Variants in SENP7 observed in about 807,000 individuals in gnomAD.
The protein encoded by SENP7 is sentrin-specific protease 7.
A neutral mutation model predicts 141.2 loss-of-function variants in SENP7; 64 were observed. The observed-to-expected ratio is 0.45, with a 90% CI of 0.37 to 0.56. SENP7 has a LOEUF of 0.56. Among genes scored for constraint, SENP7 ranks in the 20% least tolerant of loss-of-function variants. The probability of loss-of-function intolerance (pLI) is 0.00; values close to 1 mark genes in which losing one functional copy is unlikely to be tolerated. For synonymous variants in SENP7, 382 were observed against 426.4 expected (o/e 0.90, Z 1.28); for missense variants, 1,025 against 1,212.2 (o/e 0.85, Z 2.29).
chr3:101,452,266 T>C (rs2063169828), intron 4 of SENP7, among the ~76,000 whole-genome samples: 1 of 151,884 alleles, frequency 6.6e-6, no homozygotes, highest in African/African-American at 2.4e-5. Context: ...GAAGAATCAA[T>C]ATCATGAAAA....
chr3:101,329,620 C>T lies in SENP7; in HGVS notation c.2751+714G>A, dbSNP rs554394749. 2.6e-5 allele frequency among the ~76,000 whole-genome samples: 4 copies of T among 151,862 alleles called. No individual in the cohort carries two copies. The East Asian group carries it at 7.7e-4, about 29-fold the overall frequency. On this transcript the variant is annotated intron_variant, in intron 20 of 23. Transcript: ENST00000394095. ...CTAAGGAGTTACATGGATTCACTTT[C>T]AGTCTACCTTGAATGATTTTTACCA...
intron 1 of SENP7, among the ~76,000 whole-genome samples, chr3:101,506,020 A>ATTTTTTTT (rs61021808): frequency 7.1e-6 from 1 of 141,200 alleles, no homozygotes; most frequent in Non-Finnish European, 1.5e-5. Context: ...TTATTCCATA[A>ATTTTTTTT]TTTTTTTTTT....
intron 4 of SENP7, among the ~76,000 whole-genome samples, chr3:101,456,141 T>C (rs186020322): frequency 1.1e-3 from 160 of 146,054 alleles, no homozygotes; most frequent in Middle Eastern, 3.6e-3. Context: ...TTAATACAGA[T>C]AATTAGTTAT....
intron 5 of SENP7, among the ~76,000 whole-genome samples, chr3:101,403,332 G>A (rs1188480164): frequency 6.6e-6 from 1 of 152,160 alleles, no homozygotes; most frequent in African/African-American, 2.4e-5. Flanking sequence ...AAGACACTAT[G>A]TTCATTTCAT....
chr3:101,351,795 T>C (rs1313863626), intron 11 of SENP7, 144 bp from the exon 12 acceptor site: 1 of 618,860 alleles, frequency 1.6e-6, no homozygotes, highest in Admixed American at 4.7e-5. Flanking sequence ...AATAAAATAT[T>C]TCACTACAAA....
chr3:101,457,810 C>G, intron 4 of SENP7: 1 of 591,604 alleles, frequency 1.7e-6, no homozygotes, highest in Non-Finnish European at 3.0e-6. Flanking sequence ...TGAGATTAGG[C>G]GCACACATGC....
At chr3:101,332,995 C>T in intron 17 of SENP7, 133 bp from the exon 18 acceptor site, 5 of 866,018 alleles carry the variant, frequency 5.8e-6, no homozygotes, top group Non-Finnish European at 8.4e-6. Context: ...TCATATTTAA[C>T]ACATTATAAA....
intron 5 of SENP7, among the ~76,000 whole-genome samples, chr3:101,404,874 ACG>A (rs2061252909): frequency 6.6e-6 from 1 of 152,212 alleles, no homozygotes; most frequent in African/African-American, 2.4e-5. Flanking sequence ...CCACAATGAG[ACG>A]CACAGTGAGA....
intron 5 of SENP7, among the ~76,000 whole-genome samples, chr3:101,404,956 T>C (rs997311866): frequency 6.6e-6 from 1 of 152,096 alleles, no homozygotes; most frequent in Non-Finnish European, 1.5e-5. Context: ...GGCACAGGCG[T>C]TCTCTCACAG....
intron 6 of SENP7, among the ~76,000 whole-genome samples, chr3:101,382,387 C>T (rs1014874487): frequency 6.6e-5 from 10 of 152,058 alleles, no homozygotes; most frequent in Non-Finnish European, 1.5e-5. Flanking sequence ...TCTTGCTATG[C>T]TTCCCAGGCT....
chr3:101,463,376 T>TATATATATATATATACAC (rs1559864929), intron 3 of SENP7, among the ~76,000 whole-genome samples: 3 of 85,274 alleles, frequency 3.5e-5, no homozygotes, highest in South Asian at 3.6e-4. Flanking sequence ...TATATATATA[T>TATATATATATATATACAC]ATATATATAT....
chr3:101,363,948 T>C (rs1208010367), intron 10 of SENP7, among the ~76,000 whole-genome samples: 1 of 152,198 alleles, frequency 6.6e-6, no homozygotes, highest in African/African-American at 2.4e-5. Context: ...CTGGGAGCGG[T>C]AGCTCATGCA....
At chr3:101,497,682 G>A (rs192825281) in intron 2 of SENP7, among the ~76,000 whole-genome samples, 1 of 152,238 alleles carries the variant, frequency 6.6e-6, no homozygotes, top group African/African-American at 2.4e-5. Context: ...AATAAGTGAA[G>A]CCAAGCACAG....
intron 11 of SENP7, among the ~76,000 whole-genome samples, chr3:101,356,097 T>C (rs2059735196): frequency 6.6e-6 from 1 of 152,132 alleles, no homozygotes; most frequent in African/African-American, 2.4e-5. Context: ...TAAAATAATA[T>C]AGTAATTTAT....
chr3:101,513,208 GAAAGGAAAAAAAAAA>G, exon 1 of SENP7: 10 of 261,566 alleles, frequency 3.8e-5, no homozygotes, highest in South Asian at 8.9e-5. Context: ...AGGGGGAGGG[GAAAGGAAAAAAAAAA>G]AAAAAAAAAA....
At chr3:101,482,203 C>T (rs1043219038) in intron 3 of SENP7, among the ~76,000 whole-genome samples, 2 of 151,664 alleles carry the variant, frequency 1.3e-5, no homozygotes, top group African/African-American at 4.8e-5. Flanking sequence ...GTCCCAACTA[C>T]TCGGGAGGCT....
chr3:101,361,634 G>A, intron 11 of SENP7, 81 bp downstream of exon 11: 7 of 1,329,934 alleles, frequency 5.3e-6, no homozygotes, highest in South Asian at 1.9e-5. Context: ...ATTCTTATTT[G>A]TGCTAAGAAA....
chr3:101,451,997 T>C (rs546705574), intron 4 of SENP7, among the ~76,000 whole-genome samples: 1 of 152,228 alleles, frequency 6.6e-6, no homozygotes, highest in Non-Finnish European at 1.5e-5. Context: ...CTTAAGCTGA[T>C]AGGCAACTTC....
chr3:101,438,339 A>G (rs1236824219), intron 4 of SENP7, among the ~76,000 whole-genome samples: 1 of 152,258 alleles, frequency 6.6e-6, no homozygotes, highest in Non-Finnish European at 1.5e-5. Flanking sequence ...TCACAAAAAG[A>G]CAAATACTGT....
Sources: gnomAD v4.1 joint callset for allele counts (sites outside exome capture counted in the v4.1 genomes callset) on GRCh38, gnomAD v4.1.1 for gene constraint, MANE v1.5 for transcripts, NCBI Gene and HGNC (gene_info 2026-07-23, HGNC 2026-07-21) for gene names.